ANKRD30B: variants seen among roughly 807,000 people sequenced by gnomAD.
ANKRD30B encodes the protein ankyrin repeat domain-containing protein 30B.
ANKRD30B carries 144 observed loss-of-function variants against 202.2 expected under a neutral mutation model. The observed-to-expected ratio is 0.71, with a 90% CI of 0.62 to 0.82. ANKRD30B has a LOEUF of 0.82. Among genes scored for constraint, ANKRD30B ranks in the 40% least tolerant of loss-of-function variants. The pLI, the probability that ANKRD30B is intolerant of heterozygous loss-of-function variation, is 0.00. For synonymous variants in ANKRD30B, 508 were observed against 561.3 expected, an observed-to-expected ratio of 0.91 and a Z score of 1.34; for missense variants, 1,487 against 1,669.1, an observed-to-expected ratio of 0.89 and a Z score of 1.90.
intron 34 of ANKRD30B, among the ~76,000 whole-genome samples, chr18:14,835,504 A>G (rs1158153429): frequency 6.6e-6 from 1 of 151,592 alleles, no homozygotes; most frequent in Non-Finnish European, 1.5e-5. Context: ...CCTTGCACAT[A>G]TATTTGTTTA....
the ANKRD30B span, among the ~76,000 whole-genome samples, chr18:14,908,600 GT>G: frequency 1.3e-5 from 2 of 152,170 alleles, no homozygotes; most frequent in East Asian, 3.9e-4. Flanking sequence ...ATGTGTTCGT[GT>G]GCTTTACTTT....
At chr18:14,850,022 C>T (rs916362392) in intron 40 of ANKRD30B, among the ~76,000 whole-genome samples, 192 bp from the exon 41 acceptor site, 2 of 151,156 alleles carry the variant, frequency 1.3e-5, no homozygotes, top group Non-Finnish European at 3.0e-5. Flanking sequence ...TTTTTTCTCA[C>T]TATTTTTCAA....
chr18:14,779,064 C>T (rs1191595866), intron 10 of ANKRD30B, among the ~76,000 whole-genome samples: 1 of 152,088 alleles, frequency 6.6e-6, no homozygotes, highest in Non-Finnish European at 1.5e-5. Flanking sequence ...ATTATTTTGG[C>T]TAAGGAAGAG....
At chr18:14,887,811 G>T in the ANKRD30B span, among the ~76,000 whole-genome samples, 9 of 151,408 alleles carry the variant, frequency 5.9e-5, no homozygotes, top group East Asian at 3.9e-4. Context: ...TGCTGTAACC[G>T]TAGGAAAAAA....
the ANKRD30B span, among the ~76,000 whole-genome samples, chr18:14,939,957 A>C: frequency 0.63 from 95,382 of 152,048 alleles, 30,115 homozygotes; most frequent in African/African-American, 0.7. Flanking sequence ...TACTCTGGGC[A>C]CTGCCCTTAT....
chr18:14,929,708 C>A, the ANKRD30B span, among the ~76,000 whole-genome samples: 1 of 152,040 alleles, frequency 6.6e-6, no homozygotes, highest in South Asian at 2.1e-4. Flanking sequence ...TTGACTATGA[C>A]GGGCAAAGTT....
rs577936929 is a variant in ANKRD30B, at chr18:14,779,976, A to G, written c.1437A>G (p.Ser479=). The G allele has an allele frequency of 6.9e-6, 11 of 1,605,224 alleles. No homozygotes were observed. The South Asian group carries it at 1.2e-4, about 18-fold the overall frequency. ...NHKIEDQMFP[S]ESKREEDEEY... ...CATTTTTAGATCAGATGTTCCCATCAGAATCCAAACGAGAGGAAGATGAAG... is the reference window on the plus strand; with the variant it reads ...CATTTTTAGATCAGATGTTCCCATCGGAATCCAAACGAGAGGAAGATGAAG... The change falls in exon 11 of 44, where the codon TCA becomes TCG. Residue 479 remains serine, a synonymous_variant. Transcript: ENST00000690538.
chr18:14,931,777 C>A, the ANKRD30B span, among the ~76,000 whole-genome samples: 3 of 151,912 alleles, frequency 2.0e-5, no homozygotes, highest in Admixed American at 2.0e-4. Context: ...TCCCTCCTCT[C>A]TCAATCCAGC....
intron 32 of ANKRD30B, among the ~76,000 whole-genome samples, chr18:14,827,635 G>T (rs1156451239): frequency 6.6e-6 from 1 of 152,132 alleles, no homozygotes; most frequent in Non-Finnish European, 1.5e-5. Flanking sequence ...ATCATGTTGT[G>T]TGTGTTTCTT....
At chr18:14,785,990 A>G in intron 14 of ANKRD30B, among the ~76,000 whole-genome samples, 1 of 132,004 alleles carries the variant, frequency 7.6e-6, no homozygotes, top group South Asian at 2.7e-4. Context: ...GTGAGCCGAG[A>G]TTGCGCCACT....
rs548736322 is a variant in ANKRD30B, at chr18:14,751,052, TTTTA to T, written c.222-1510_222-1507del. Among the ~76,000 whole-genome samples the T allele has an allele frequency of 1.3e-3, 202 of 152,168 alleles. 1 individual carries two copies. The highest frequency in any genetic ancestry group is 4.5e-3 in the African/African-American group (185 of 41,566). On this transcript the variant is annotated intron_variant, in intron 1 of 43. Coordinates refer to ENST00000690538, the MANE Select transcript of ANKRD30B (RefSeq NM_001367607.2). ...TGAAAATAATTTCTCACTTTCTATA[TTTTA>T]TTTTTTTGTGCATTTGTATATTCTG... is the stretch of plus-strand genomic sequence containing the variant.
intron 31 of ANKRD30B, 45 bp from the exon 32 acceptor site, chr18:14,822,560 A>T (rs1477888284): frequency 5.0e-6 from 5 of 1,009,856 alleles, no homozygotes; most frequent in Non-Finnish European, 7.6e-6. Context: ...TTATTTTATG[A>T]AGTATACATT....
At chr18:14,796,835 G>A (rs1299233804) in intron 18 of ANKRD30B, among the ~76,000 whole-genome samples, 7 of 151,838 alleles carry the variant, frequency 4.6e-5, no homozygotes, top group Non-Finnish European at 1.0e-4. Flanking sequence ...GTTAATGAGG[G>A]ATTTAGGGTC....
chr18:14,769,579 G>A (rs1916776693), intron 8 of ANKRD30B, among the ~76,000 whole-genome samples: 1 of 152,182 alleles, frequency 6.6e-6, no homozygotes, highest in Admixed American at 6.5e-5. Context: ...GTGGTTCAGA[G>A]AGGTTGATTA....
chr18:14,783,625 T>C (rs1354730270), intron 12 of ANKRD30B, among the ~76,000 whole-genome samples: 1 of 152,114 alleles, frequency 6.6e-6, no homozygotes, highest in Non-Finnish European at 1.5e-5. Flanking sequence ...ATAAATATTG[T>C]GGTGACTTAA....
chr18:14,854,829 A>G (rs1418247281), downstream of ANKRD30B, among the ~76,000 whole-genome samples: 1 of 112,366 alleles, frequency 8.9e-6, no homozygotes, highest in Non-Finnish European at 1.8e-5. Context: ...GAAACTATCC[A>G]CGAACACACA....
chr18:14,754,288 C>T (rs1913976097), intron 3 of ANKRD30B, among the ~76,000 whole-genome samples: 1 of 152,118 alleles, frequency 6.6e-6, no homozygotes, highest in Non-Finnish European at 1.5e-5. Context: ...TCTTGGGAAG[C>T]TTTCAAAACT....
chr18:14,771,134 G>A (rs993087290), intron 8 of ANKRD30B, among the ~76,000 whole-genome samples: 5 of 152,122 alleles, frequency 3.3e-5, no homozygotes, highest in African/African-American at 1.2e-4. Context: ...CCATTTCGTT[G>A]TTTTTCAGGA....
At chr18:14,932,397 C>T in the ANKRD30B span, among the ~76,000 whole-genome samples, 2,204 of 152,118 alleles carry the variant, frequency 0.014, 58 homozygotes, top group African/African-American at 0.051. Flanking sequence ...AGTGGCGTGG[C>T]GCGATCTCGG....
Sources: allele counts gnomAD v4.1 joint callset (sites outside exome capture counted in the v4.1 genomes callset), GRCh38; gene constraint gnomAD v4.1.1; transcripts MANE v1.5; gene names NCBI Gene and HGNC (gene_info 2026-07-23, HGNC 2026-07-21).